GREB1: variants seen among roughly 807,000 people sequenced by gnomAD.
GREB1 encodes the protein protein GREB1.
Under a neutral mutation model 200.7 loss-of-function variants are expected in GREB1, and 106 were observed. The observed-to-expected ratio is 0.53, with a 90% CI of 0.45 to 0.62. The LOEUF (loss-of-function observed/expected upper bound fraction) is 0.62. Among genes scored for constraint, GREB1 ranks in the 20% least tolerant of loss-of-function variants. The probability of loss-of-function intolerance (pLI) is 0.00; values close to 1 mark genes in which losing one functional copy is unlikely to be tolerated. For missense variants in GREB1, 2,243 were observed against 2,556.8 expected (o/e 0.88, Z 2.65); for synonymous variants, 1,132 against 1,092.4 (o/e 1.04, Z -0.72).
intron 3 of GREB1, among the ~76,000 whole-genome samples, chr2:11,565,141 C>T (rs1425512398): frequency 6.6e-6 from 1 of 152,208 alleles, no homozygotes; most frequent in African/African-American, 2.4e-5. Context: ...CTTGGCCTCC[C>T]TTCCTGGTCC....
chr2:11,588,684 C>G, intron 9 of GREB1, 62 bp from the exon 10 acceptor site: 1 of 1,462,564 alleles, frequency 6.8e-7, no homozygotes, highest in Non-Finnish European at 9.6e-7. Context: ...AGAGAACCCA[C>G]ATGTATGGGA....
chr2:11,632,770 T>C (rs938736528), intron 27 of GREB1, 119 bp from the exon 28 acceptor site: 14 of 745,592 alleles, frequency 1.9e-5, no homozygotes, highest in Non-Finnish European at 2.7e-5. Context: ...AGGTGATTCA[T>C]GTCAGGAAGG....
rs372018583 is a variant in GREB1 at position 11,610,760 on chromosome 2, C to G, written c.2739C>G (p.Ala913=). ...LVQHYAAALM[A]VSGLPQMKNY... ...AGCACTACGCGGCCGCCCTGATGGC[C>G]GTAAGCGGCCTCCCGCAGATGAAGA... Residue 913 remains alanine, a synonymous_variant, in exon 18 of 33, where the codon GCC becomes GCG. Coordinates refer to ENST00000381486, the MANE Select transcript of GREB1 (RefSeq NM_014668.4). The G allele has an allele frequency of 1.9e-6, 3 of 1,613,518 alleles. No homozygotes were observed. Among genetic ancestry groups the G allele is most frequent in the Non-Finnish European group, 2.5e-6 (3 of 1,179,986 alleles).
At chr2:11,596,325 T>G in intron 13 of GREB1, 86 bp downstream of exon 13, 4 of 1,164,008 alleles carry the variant, frequency 3.4e-6, no homozygotes, top group South Asian at 3.1e-5. Flanking sequence ...GTGTGCACAG[T>G]GAGAGGGGCC....
intron 20 of GREB1, among the ~76,000 whole-genome samples, chr2:11,615,541 A>T (rs752644201): frequency 6.6e-6 from 1 of 152,208 alleles, no homozygotes; most frequent in Non-Finnish European, 1.5e-5. Context: ...GGAAATCCCT[A>T]TAGGTTTTTC....
intron 1 of GREB1, among the ~76,000 whole-genome samples, chr2:11,549,386 C>CG (rs1675592677): frequency 6.6e-6 from 1 of 151,138 alleles, no homozygotes; most frequent in Admixed American, 6.6e-5. Flanking sequence ...TACTTTAAGA[C>CG]GAAAAAAAAG....
Position 11,578,515 on chromosome 2 carries a change from G to A in GREB1, c.772+84G>A. On this transcript the variant is annotated intron_variant, in intron 6 of 32. Coordinates refer to ENST00000381486, the MANE Select transcript of GREB1 (RefSeq NM_014668.4). ...TGTGTCCGGTTGACTATGCCGTCAAGCATTCTTCAAAATAAATCAGGGGGC... is the reference window on the plus strand; with the variant it reads ...TGTGTCCGGTTGACTATGCCGTCAAACATTCTTCAAAATAAATCAGGGGGC... 5 of 1,406,534 alleles carry A rather than the reference G, an allele frequency of 3.6e-6. No individual in the cohort carries two copies. The African/African-American group carries it at 4.2e-5, about 12-fold the overall frequency. The allele number at this position is 1,406,534 out of a possible 1,614,324, so 87.1% of individuals were successfully genotyped here.
chr2:11,501,942 G>GTTTTTT (rs1673059303), intron 1 of GREB1, among the ~76,000 whole-genome samples: 1 of 41,960 alleles, frequency 2.4e-5, no homozygotes, highest in Non-Finnish European at 4.4e-5. Flanking sequence ...TTGAGATGGA[G>GTTTTTT]TTTTGCTCTT....
intron 10 of GREB1, chr2:11,591,503 C>T: frequency 1.4e-6 from 1 of 710,636 alleles, no homozygotes; most frequent in Admixed American, 2.0e-5. Context: ...TCATCAAAGA[C>T]ATGCAAATCA....
rs147151741 is a variant in GREB1, at chr2:11,639,290, T to C, written c.5686+481T>C. Among the ~76,000 whole-genome samples, 1,298 of 152,290 alleles carry C rather than the reference T, an allele frequency of 8.5e-3. 23 individuals are homozygous for C. The highest frequency in any genetic ancestry group is 0.03 in the African/African-American group (1,241 of 41,556). On this transcript the variant is annotated intron_variant, in intron 32 of 32. Coordinates refer to ENST00000381486, the MANE Select transcript of GREB1 (RefSeq NM_014668.4). ...TTTTAGTAGAGACAGGGTTTTGCCA[T>C]GTTGGCCAGGCTGGTCTCGAACTCC... is the stretch of plus-strand genomic sequence containing the variant.
intron 1 of GREB1, among the ~76,000 whole-genome samples, chr2:11,494,148 T>G (rs368689669): frequency 8.7e-4 from 133 of 152,256 alleles, no homozygotes; most frequent in African/African-American, 3.0e-3. Context: ...AGGGAACCCG[T>G]TTTTGTCTTA....
At chr2:11,489,349 C>T (rs879474203) in intron 1 of GREB1, among the ~76,000 whole-genome samples, 14 of 152,166 alleles carry the variant, frequency 9.2e-5, no homozygotes, top group Non-Finnish European at 2.1e-4. Flanking sequence ...ATCCCAGCTA[C>T]TTGGGAGGCT....
In GREB1 at chr2:11,555,604, C is replaced by T. The variant is rs537352308; in HGVS notation, c.-161-850C>T. 2.6e-5 allele frequency among the ~76,000 whole-genome samples: 4 copies of T among 152,234 alleles called. No individual in the cohort carries two copies. The East Asian group carries it at 7.7e-4, about 29-fold the overall frequency. On this transcript the variant is annotated intron_variant, in intron 1 of 32. Transcript: ENST00000381486. Reference sequence around the variant, plus strand: ...ACAGATGAATCTTGGAGACATTGTGCTAACGTTAGATAGAAGCCAGTCACA... The same window carrying T: ...ACAGATGAATCTTGGAGACATTGTGTTAACGTTAGATAGAAGCCAGTCACA...
intron 1 of GREB1, among the ~76,000 whole-genome samples, chr2:11,516,901 G>A (rs983605323): frequency 1.3e-5 from 2 of 152,202 alleles, no homozygotes; most frequent in African/African-American, 2.4e-5. Context: ...TTTCTCTTCC[G>A]TGGGCAGTGG....
In GREB1 at chr2:11,556,584, A is replaced by AT. The variant is rs908124684; in HGVS notation, c.-27dup. On this transcript the variant is annotated 5_prime_UTR_variant, in exon 2 of 33. It removes the in-frame stop codon of an upstream open reading frame in the 5' UTR. Transcript: ENST00000381486. ...GCTTTTGCACCGAATCTGAGATGCCATTTTAAACAGAAGACTCCATCCTCT... is the reference window on the plus strand; with the variant it reads ...GCTTTTGCACCGAATCTGAGATGCCATTTTTAAACAGAAGACTCCATCCTCT... The AT allele has an allele frequency of 6.3e-7, 1 of 1,580,600 alleles. No homozygotes were observed. The highest frequency in any genetic ancestry group is 1.4e-5 in the African/African-American group (1 of 73,972).
intron 7 of GREB1, chr2:11,581,107 A>G (rs1679432262): frequency 3.3e-6 from 2 of 611,450 alleles, no homozygotes; most frequent in Non-Finnish European, 5.9e-6. Flanking sequence ...TGGGCTGCAC[A>G]GCTGGAGGAT....
Position 11,618,873 on chromosome 2 carries a change from T to G in GREB1, c.3998T>G (p.Val1333Gly), listed in dbSNP as rs1683752764. 1 of 1,573,684 alleles carries G rather than the reference T, an allele frequency of 6.4e-7. No homozygotes were observed. Among genetic ancestry groups the G allele is most frequent in the African/African-American group, 1.3e-5 (1 of 74,522 alleles). Residue 1333 changes from valine to glycine, a missense_variant, in exon 22 of 33, where the codon GTG becomes GGG. Physicochemically the swap from Val to Gly is moderately radical, Grantham distance 109 (BLOSUM62 -3). Around this residue, in one of 3 missense-constraint regions of GREB1, gnomAD observed 587 missense variants for 553.1 expected, o/e 1.06. Coordinates refer to ENST00000381486, the MANE Select transcript of GREB1 (RefSeq NM_014668.4). ...TACGGCAACCGGGCCGAGGGCCGCG[T>G]GGACGGCTTCCACCCCCGCAGGCTG... is the stretch of plus-strand genomic sequence containing the variant. ...MDYGNRAEGRVDGFHPRRLLL... is the reference protein window; with the variant it reads ...MDYGNRAEGRGDGFHPRRLLL...
chr2:11,525,628 A>G (rs919740566), intron 1 of GREB1, among the ~76,000 whole-genome samples: 1 of 152,152 alleles, frequency 6.6e-6, no homozygotes, highest in Admixed American at 6.5e-5. Flanking sequence ...ATTCTCACAC[A>G]GAAATTCTAC....
At chr2:11,523,925 C>T (rs1029323477) in intron 1 of GREB1, among the ~76,000 whole-genome samples, 14 of 152,122 alleles carry the variant, frequency 9.2e-5, no homozygotes, top group Non-Finnish European at 2.9e-5. Context: ...CAGATGGTAC[C>T]CATGAATTCA....
Sources: gnomAD v4.1 joint callset for allele counts (sites outside exome capture counted in the v4.1 genomes callset) on GRCh38, gnomAD v4.1.1 for gene constraint, gnomAD v4.1.1 regional missense constraint, MANE v1.5 for transcripts, NCBI Gene and HGNC (gene_info 2026-07-23, HGNC 2026-07-21) for gene names.